Variants in GLDC observed in about 807,000 individuals in gnomAD.
GLDC encodes glycine dehydrogenase (decarboxylating), mitochondrial.
In GLDC, 104 loss-of-function variants were observed where a neutral mutation model predicts 121.3. The ratio of observed to expected loss-of-function variants is 0.86; its 90% CI spans 0.73 to 1.01. The LOEUF (loss-of-function observed/expected upper bound fraction) is 1.01. GLDC is among the 50% of genes least tolerant of loss of function. The probability of loss-of-function intolerance (pLI) is 0.00; values close to 1 mark genes in which losing one functional copy is unlikely to be tolerated. For synonymous variants in GLDC, 546 were observed against 480.6 expected (o/e 1.14, Z -1.78); for missense variants, 1,429 against 1,306.6 (o/e 1.09, Z -1.44).
chr9:6,553,266 G>C, intron 20 of GLDC, 102 bp downstream of exon 20: 1 of 1,030,766 alleles, frequency 9.7e-7, no homozygotes, highest in South Asian at 1.3e-5. Context: ...CTCAGATCAT[G>C]AATTTATTTG....
chr9:6,597,952 A>T (rs570676781), intron 8 of GLDC, among the ~76,000 whole-genome samples: 4 of 152,224 alleles, frequency 2.6e-5, no homozygotes, highest in African/African-American at 7.2e-5. Flanking sequence ...AAGAAATAAG[A>T]GAATATAAAG....
intron 15 of GLDC, among the ~76,000 whole-genome samples, chr9:6,572,840 T>C (rs917623751): frequency 4.7e-4 from 71 of 152,334 alleles, no homozygotes; most frequent in African/African-American, 1.5e-3. Context: ...CCATTTTCTG[T>C]TGTTTGCAAA....
chr9:6,593,830 C>G (rs1473187299), intron 9 of GLDC, among the ~76,000 whole-genome samples: 1 of 151,392 alleles, frequency 6.6e-6, no homozygotes, highest in East Asian at 1.9e-4. Context: ...GTAGCTGGGA[C>G]TACAGGAGTA....
At chr9:6,641,869 A>G (rs998716329) in intron 2 of GLDC, among the ~76,000 whole-genome samples, 12 of 152,230 alleles carry the variant, frequency 7.9e-5, no homozygotes, top group African/African-American at 2.9e-4. Flanking sequence ...TAAATATTTA[A>G]TCCAGAATTC....
At chr9:6,594,401 A>G (rs555409247) in intron 9 of GLDC, among the ~76,000 whole-genome samples, 3 of 152,118 alleles carry the variant, frequency 2.0e-5, no homozygotes, top group Non-Finnish European at 4.4e-5. Context: ...AAAAAATATT[A>G]ACACTCAGTC....
At chr9:6,549,567 G>A (rs1817466555) in intron 21 of GLDC, among the ~76,000 whole-genome samples, 1 of 152,060 alleles carries the variant, frequency 6.6e-6, no homozygotes, top group South Asian at 2.1e-4. Context: ...GTTTTGTTCT[G>A]GCTTCTCACC....
intron 2 of GLDC, among the ~76,000 whole-genome samples, chr9:6,639,934 G>A (rs910761997): frequency 6.6e-6 from 1 of 152,032 alleles, no homozygotes; most frequent in Non-Finnish European, 1.5e-5. Flanking sequence ...GCCAGAACTC[G>A]ATTAATAACT....
chr9:6,622,159 G>GACACAC (rs60752054), intron 2 of GLDC, among the ~76,000 whole-genome samples: 10,946 of 145,296 alleles, frequency 0.075, 515 homozygotes, highest in East Asian at 0.15. Context: ...CACACACACA[G>GACACAC]ACACACACAC....
At chr9:6,535,026 T>C (rs1395290357) in intron 23 of GLDC, among the ~76,000 whole-genome samples, 1 of 152,232 alleles carries the variant, frequency 6.6e-6, no homozygotes, top group East Asian at 1.9e-4. Flanking sequence ...TCTGTCATAT[T>C]TGCTTCATCT....
intron 15 of GLDC, among the ~76,000 whole-genome samples, chr9:6,584,119 T>A (rs545520945): frequency 6.6e-6 from 1 of 152,364 alleles, no homozygotes; most frequent in East Asian, 1.9e-4. Flanking sequence ...TGGTTATATC[T>A]GAAATATCAT....
intron 2 of GLDC, among the ~76,000 whole-genome samples, chr9:6,643,094 C>T (rs969758323): frequency 5.3e-5 from 8 of 151,918 alleles, no homozygotes; most frequent in Non-Finnish European, 7.4e-5. Flanking sequence ...GATGGGGTCT[C>T]GCAATATTGC....
At chr9:6,589,387 A>G in intron 11 of GLDC, 95 bp from the exon 12 acceptor site, 1 of 701,096 alleles carries the variant, frequency 1.4e-6, no homozygotes, top group Non-Finnish European at 2.6e-6. Context: ...CAAAGCACTC[A>G]AAATGGATCA....
At position 6,543,072 on chromosome 9, in the gene GLDC, T is replaced by G. The variant is rs534929845; in HGVS notation, c.2570-2926A>C. ...GCTGAGGATTGCTTGAGCTTGGGAG[T>G]TGGAGACCAGCCTGGGCAACAAAGC... On this transcript the variant is annotated intron_variant, in intron 21 of 24. Transcript: ENST00000321612. Among the ~76,000 whole-genome samples the G allele has an allele frequency of 1.3e-4, 20 of 151,776 alleles. No homozygotes were observed. The South Asian group carries it at 3.8e-3, about 29-fold the overall frequency.
Position 6,603,257 on chromosome 9 carries a change from C to G in GLDC, c.1059-1052G>C, listed in dbSNP as rs77438938. ...AATAAAAAAAAAAAAACAAATCACA[C>G]AAATTTTTAAAAACAATACAGTGTA... On this transcript the variant is annotated intron_variant, in intron 7 of 24. Coordinates refer to ENST00000321612, the MANE Select transcript of GLDC (RefSeq NM_000170.3). Among the ~76,000 whole-genome samples the G allele has an allele frequency of 8.9e-3, 1,319 of 148,864 alleles. 9 individuals are homozygous for G. The highest frequency in any genetic ancestry group is 0.013 in the Non-Finnish European group (870 of 67,244).
intron 3 of GLDC, among the ~76,000 whole-genome samples, chr9:6,615,795 G>C (rs1228636991): frequency 6.6e-6 from 1 of 152,000 alleles, no homozygotes; most frequent in African/African-American, 2.4e-5. Flanking sequence ...TGTATTTTTT[G>C]TAGAGATAGG....
intron 16 of GLDC, among the ~76,000 whole-genome samples, chr9:6,560,326 G>C (rs1817726443): frequency 1.3e-5 from 2 of 152,184 alleles, no homozygotes; most frequent in Admixed American, 6.5e-5. Flanking sequence ...GTCTACTTAA[G>C]AAAAATAAAC....
chr9:6,532,703 C>T lies in GLDC; in HGVS notation c.*314G>A, dbSNP rs1031141758. ...AATGTCTATTAAGTCTCCAGGATAG[C>T]CTCTATGACATCTGCAAACTTGCCA... On this transcript the variant is annotated 3_prime_UTR_variant, in exon 25 of 25. Transcript: ENST00000321612. 1 of 371,560 alleles carries T rather than the reference C, an allele frequency of 2.7e-6. No homozygotes were observed. Among genetic ancestry groups the T allele is most frequent in the African/African-American group, 2.1e-5 (1 of 48,096 alleles). The allele number at this position is 371,560 out of a possible 1,614,324, so 23.0% of individuals were successfully genotyped here.
Position 6,594,700 on chromosome 9 carries a change from G to GCAAGCAAGCAAGCAAGCAAGC in GLDC, c.1261+313_1261+314insGCTTGCTTGCTTGCTTGCTTG, listed in dbSNP as rs1563852238. Among the ~76,000 whole-genome samples the GCAAGCAAGCAAGCAAGCAAGC allele has an allele frequency of 8.6e-4, 130 of 151,068 alleles. 1 individual carries two copies. The highest frequency in any genetic ancestry group is 3.0e-3 in the African/African-American group (122 of 41,088). On this transcript the variant is annotated intron_variant, in intron 9 of 24. Transcript: ENST00000321612. ...ACAGAGCAAGACTCCATTAAGCAAG[G>GCAAGCAAGCAAGCAAGCAAGC]AAGCAAGCAAGCAAGCAAGCAAGCA...
At chr9:6,599,352 C>G in intron 8 of GLDC, among the ~76,000 whole-genome samples, 1 of 152,084 alleles carries the variant, frequency 6.6e-6, no homozygotes, top group East Asian at 1.9e-4. Flanking sequence ...GAGCAGTCAG[C>G]TGCACCGAAA....
Sources: allele counts gnomAD v4.1 joint callset (sites outside exome capture counted in the v4.1 genomes callset), GRCh38; gene constraint gnomAD v4.1.1; transcripts MANE v1.5; gene names NCBI Gene and HGNC (gene_info 2026-07-23, HGNC 2026-07-21).